GDPD4: variants seen among roughly 807,000 people sequenced by gnomAD.
GDPD4 encodes glycerophosphodiester phosphodiesterase domain containing 4.
A neutral mutation model predicts 67.8 loss-of-function variants in GDPD4; 60 were observed. The ratio of observed to expected loss-of-function variants is 0.88; its 90% CI spans 0.72 to 1.10. The LOEUF (loss-of-function observed/expected upper bound fraction) is 1.10, where lower values mean the gene tolerates loss of function less well. Ranked by LOEUF, GDPD4 falls within the 50% of genes least tolerant of loss-of-function variation. The pLI, the probability that GDPD4 is intolerant of heterozygous loss-of-function variation, is 0.00. For synonymous variants in GDPD4, 212 were observed against 210.9 expected (o/e 1.00, Z -0.04); for missense variants, 623 against 613.9 (o/e 1.01, Z -0.16).
chr11:77,260,581 T>G (rs1351208392), intron 10 of GDPD4, among the ~76,000 whole-genome samples: 1 of 151,938 alleles, frequency 6.6e-6, no homozygotes, highest in East Asian at 1.9e-4. Context: ...GAGGAATTAC[T>G]CAACAGGGAC....
Position 77,233,151 on chromosome 11 carries a change from G to T in GDPD4, c.1263C>A (p.Ile421=). The T allele has an allele frequency of 6.2e-7, 1 of 1,613,846 alleles. No homozygotes were observed. ...CATTGACGGTGTATACGTTGATATGGATGTTAGCTGCTTTATAATCTCTGG... is the reference window on the plus strand; with the variant it reads ...CATTGACGGTGTATACGTTGATATGTATGTTAGCTGCTTTATAATCTCTGG... ...NGLRDYKAAN[I]HINVYTVNEP... The change falls in exon 14 of 17, where the codon ATC becomes ATA. Residue 421 remains isoleucine (I), a synonymous_variant. Coordinates refer to ENST00000315938, the MANE Select transcript of GDPD4 (RefSeq NM_182833.3).
chr11:77,221,072 T>G (rs1191142440), intron 16 of GDPD4, among the ~76,000 whole-genome samples: 1 of 150,464 alleles, frequency 6.6e-6, no homozygotes, highest in African/African-American at 2.5e-5. Flanking sequence ...GATGGTAGTT[T>G]GTATTTCTGT....
At chr11:77,270,890 C>CA (rs1239663526) in intron 7 of GDPD4, 1 of 459,292 alleles carries the variant, frequency 2.2e-6, no homozygotes, top group South Asian at 3.1e-5. Flanking sequence ...CTTATTTTTC[C>CA]AAAAAAAGAA....
rs766818995 is a variant in GDPD4, at chr11:77,293,176, C to A, written c.-253-5756G>T. Reference sequence around the variant, plus strand: ...GACACCAAAACCAGACAAAGATATCCTGAAAAAAGTACAAACCAATATCCC... The same window carrying A: ...GACACCAAAACCAGACAAAGATATCATGAAAAAAGTACAAACCAATATCCC... On this transcript the variant is annotated intron_variant, in intron 1 of 16. Transcript: ENST00000315938. Among the ~76,000 whole-genome samples the A allele has an allele frequency of 5.5e-4, 83 of 152,248 alleles. 1 individual carries two copies. Among genetic ancestry groups the A allele is most frequent in the Non-Finnish European group, 9.7e-4 (66 of 68,020 alleles).
chr11:77,276,161 C>G lies in GDPD4; in HGVS notation c.207G>C (p.Lys69Asn). ...TCCTATGTGGACTCAGATGTCCTAC[C>G]TTATGACACAAGTGCAGGTATAGTT... ...RIELYLHLCH[K>N]ILILLVILLC... The change falls in exon 5 of 17, where the codon AAG becomes AAC. Residue 69 changes from lysine (K) to asparagine (N), a missense_variant and splice_region_variant. Transcript: ENST00000315938. 1 of 1,612,134 alleles carries G rather than the reference C, an allele frequency of 6.2e-7. No individual in the cohort carries two copies. Among genetic ancestry groups the G allele is most frequent in the Non-Finnish European group, 8.5e-7 (1 of 1,178,206 alleles).
intron 13 of GDPD4, among the ~76,000 whole-genome samples, chr11:77,234,257 CAGATAA>C (rs377541074): frequency 0.013 from 1,952 of 152,098 alleles, 15 homozygotes; most frequent in Middle Eastern, 0.017. Context: ...CCAATCCCTG[CAGATAA>C]AGATAAATTT....
At chr11:77,250,417 T>C (rs574678022) in intron 11 of GDPD4, among the ~76,000 whole-genome samples, 1 of 152,328 alleles carries the variant, frequency 6.6e-6, no homozygotes, top group African/African-American at 2.4e-5. Context: ...AAAGACAGGA[T>C]TTCACTCTTT....
At chr11:77,242,140 T>C (rs150588106) in intron 13 of GDPD4, among the ~76,000 whole-genome samples, 128 of 152,204 alleles carry the variant, frequency 8.4e-4, no homozygotes, top group Middle Eastern at 3.4e-3. Context: ...CTACAGTCAA[T>C]AATAATGTAT....
intron 1 of GDPD4, among the ~76,000 whole-genome samples, chr11:77,298,630 T>TG (rs1175232327): frequency 3.9e-5 from 6 of 152,216 alleles, no homozygotes; most frequent in African/African-American, 1.4e-4. Context: ...AGTCTTATAG[T>TG]GGCTGCTCTT....
At chr11:77,261,725 G>A (rs1040942045) in intron 10 of GDPD4, among the ~76,000 whole-genome samples, 2 of 152,214 alleles carry the variant, frequency 1.3e-5, no homozygotes, top group Non-Finnish European at 2.9e-5. Flanking sequence ...GGTTTACGGG[G>A]ATCCTTTGCC....
chr11:77,280,846 G>A (rs901221308), intron 3 of GDPD4, among the ~76,000 whole-genome samples: 1 of 152,204 alleles, frequency 6.6e-6, no homozygotes, highest in Admixed American at 6.5e-5. Flanking sequence ...TGAAAAAAGG[G>A]AGTGAAAAGA....
chr11:77,252,296 T>G (rs1958921530), intron 11 of GDPD4, among the ~76,000 whole-genome samples: 1 of 152,088 alleles, frequency 6.6e-6, no homozygotes, highest in Non-Finnish European at 1.5e-5. Context: ...ACTCCTGACC[T>G]CAGGTGATCC....
chr11:77,258,270 G>A (rs1435379801), intron 11 of GDPD4, 116 bp downstream of exon 11: 5 of 991,814 alleles, frequency 5.0e-6, no homozygotes, highest in Non-Finnish European at 7.7e-6. Context: ...ACCAAACTGG[G>A]ATGAAATCGT....
At chr11:77,294,241 G>A (rs904735750) in intron 1 of GDPD4, among the ~76,000 whole-genome samples, 1 of 152,154 alleles carries the variant, frequency 6.6e-6, no homozygotes, top group Admixed American at 6.5e-5. Context: ...ACAGTGAAAG[G>A]ATAATGCTGG....
chr11:77,286,989 T>C (rs1371091177), intron 2 of GDPD4: 1 of 151,854 alleles, frequency 6.6e-6, no homozygotes, highest in African/African-American at 2.4e-5. Context: ...ATAAAAGAGG[T>C]AGTAAGGAAA....
intron 5 of GDPD4, among the ~76,000 whole-genome samples, chr11:77,272,825 A>C (rs916677132): frequency 3.9e-5 from 6 of 152,058 alleles, no homozygotes; most frequent in African/African-American, 1.4e-4. Context: ...CGTCAAATGC[A>C]GTTACTCATA....
intron 4 of GDPD4, among the ~76,000 whole-genome samples, chr11:77,277,829 GGA>G (rs1959559971): frequency 6.6e-6 from 1 of 151,428 alleles, no homozygotes; most frequent in African/African-American, 2.4e-5. Flanking sequence ...TGTGATGTTA[GGA>G]TGTCAATTTT....
chr11:77,227,858 C>CT lies in GDPD4; in HGVS notation c.1525+5dup, dbSNP rs771140337. ...AGACAGGAGTGGGCTAGGCCTCTGA[C>CT]TTTACCTGTGCGAGTGCTGGAGGTT... On this transcript the variant is annotated splice_donor_region_variant and intron_variant, in intron 16 of 16. Transcript: ENST00000315938. 31 of 1,610,928 alleles carry CT rather than the reference C, an allele frequency of 1.9e-5. No individual in the cohort carries two copies. Among genetic ancestry groups the CT allele is most frequent in the Non-Finnish European group, 2.6e-5 (31 of 1,177,332 alleles).
chr11:77,285,002 T>C (rs775929699), intron 3 of GDPD4, 83 bp downstream of exon 3: 113 of 1,000,320 alleles, frequency 1.1e-4, no homozygotes, highest in Non-Finnish European at 1.7e-4. Flanking sequence ...TATCACCGGA[T>C]CTTTTCAGCC....
Sources: allele counts gnomAD v4.1 joint callset (sites outside exome capture counted in the v4.1 genomes callset), GRCh38; gene constraint gnomAD v4.1.1; transcripts MANE v1.5; gene names NCBI Gene and HGNC (gene_info 2026-07-23, HGNC 2026-07-21).